Variants in OR2M4 observed in about 807,000 individuals in gnomAD.
OR2M4 encodes the protein olfactory receptor family 2 subfamily M member 4.
A neutral mutation model predicts 13.7 loss-of-function variants in OR2M4; 8 were observed. The ratio of observed to expected loss-of-function variants is 0.58; its 90% CI spans 0.34 to 1.05. The LOEUF is 1.05. Ranked by LOEUF, OR2M4 falls within the 50% of genes least tolerant of loss-of-function variation. OR2M4 has a pLI of 0.02. For missense variants in OR2M4, 374 were observed against 381.6 expected, an observed-to-expected ratio of 0.98 and a Z score of 0.17; for synonymous variants, 152 against 141.3, an observed-to-expected ratio of 1.08 and a Z score of -0.53.
intron 1 of OR2M4, among the ~76,000 whole-genome samples, chr1:248,238,435 C>G (rs1438095473): frequency 6.6e-6 from 1 of 151,958 alleles, no homozygotes; most frequent in African/African-American, 2.4e-5. Context: ...TAATCCTTCA[C>G]TGGGCTGCAG....
chr1:248,242,743 A>T lies in OR2M4; in HGVS notation c.*2879A>T, dbSNP rs915698369. 1 of 152,238 alleles carries T rather than the reference A, an allele frequency of 6.6e-6. No individual in the cohort carries two copies. The highest frequency in any genetic ancestry group is 1.5e-5 in the Non-Finnish European group (1 of 68,042). The allele number at this position is 152,238 out of a possible 1,614,324, so 9.4% of individuals were successfully genotyped here. A position where few individuals can be genotyped will look rare whatever the true frequency, so the allele number is the denominator to read the frequency against. On this transcript the variant is annotated 3_prime_UTR_variant, in exon 2 of 2. Transcript: ENST00000641868. ...ACCAGAAAAGAAAGACTTATCTGTG[A>T]TCTACTAAGAGAAGTATGAAAATTG...
At chr1:248,233,887 A>G (rs911691334) in intron 1 of OR2M4, among the ~76,000 whole-genome samples, 3 of 152,082 alleles carry the variant, frequency 2.0e-5, no homozygotes, top group Non-Finnish European at 4.4e-5. Context: ...GGCTAGAGAT[A>G]ATAATTGAGA....
Position 248,239,170 on chromosome 1 carries a change from TG to T in OR2M4, c.243del (p.Met81IlefsTer56). 6.2e-7 allele frequency: 1 copy of T among 1,614,120 alleles called. No individual in the cohort carries two copies. The highest frequency in any genetic ancestry group is 8.5e-7 in the Non-Finnish European group (1 of 1,180,002). ...LMLICTTLPKMIFSYLSGKKS... is the reference protein window; with the variant it reads ...LMLICTTLPKXIFSYLSGKKS... ...CTCATCTGCACCACTCTACCCAAGATGATCTTCAGCTACTTGTCTGGGAAGA... is the reference window on the plus strand; with the variant it reads ...CTCATCTGCACCACTCTACCCAAGATATCTTCAGCTACTTGTCTGGGAAGA... On this transcript the variant is annotated frameshift_variant, in exon 2 of 2. Coordinates refer to ENST00000641868, the MANE Select transcript of OR2M4 (RefSeq NM_017504.2). LOFTEE classifies it high-confidence loss of function.
Position 248,240,468 on chromosome 1 carries a change from T to C in OR2M4, c.*604T>C, listed in dbSNP as rs1666607849. 6.6e-6 allele frequency: 1 copy of C among 152,178 alleles called. No individual in the cohort carries two copies. The highest frequency in any genetic ancestry group is 1.5e-5 in the Non-Finnish European group (1 of 68,038). The allele number at this position is 152,178 out of a possible 1,614,324, so 9.4% of individuals were successfully genotyped here. On this transcript the variant is annotated 3_prime_UTR_variant, in exon 2 of 2. Coordinates refer to ENST00000641868, the MANE Select transcript of OR2M4 (RefSeq NM_017504.2). The stretch of plus-strand genomic sequence containing the variant: ...CTTTATGCTAATAAAATTAAATATT[T>C]TAAGGAGTCCACATAAAATATCTAT...
intron 1 of OR2M4, among the ~76,000 whole-genome samples, chr1:248,237,518 T>TACA (rs762713762): frequency 2.0e-5 from 3 of 151,694 alleles, no homozygotes; most frequent in Non-Finnish European, 2.9e-5. Context: ...CCAGGTGTAG[T>TACA]GGCGGGCGCC....
chr1:248,231,886 G>A (rs190538940), intron 1 of OR2M4, among the ~76,000 whole-genome samples: 1 of 152,032 alleles, frequency 6.6e-6, no homozygotes, highest in Admixed American at 6.5e-5. Context: ...ATTCTTAATG[G>A]TTATTTTAAT....
intron 1 of OR2M4, among the ~76,000 whole-genome samples, chr1:248,232,715 A>G (rs1368513765): frequency 6.6e-6 from 1 of 152,142 alleles, no homozygotes; most frequent in Non-Finnish European, 1.5e-5. Context: ...ACGCAATTCT[A>G]TTCTTAAAAT....
rs1022841766 is a variant in OR2M4, at chr1:248,243,758, C to T, written c.*3894C>T. On this transcript the variant is annotated 3_prime_UTR_variant, in exon 2 of 2. Transcript: ENST00000641868. ...AGAAATTATCAGCAGAGTAAACAGA[C>T]AATCTACAGAATGGGAGAAGATATT... 1 of 152,140 alleles carries T rather than the reference C, an allele frequency of 6.6e-6. No individual in the cohort carries two copies. The highest frequency in any genetic ancestry group is 6.5e-5 in the Admixed American group (1 of 15,276). The allele number at this position is 152,140 out of a possible 1,614,324, so 9.4% of individuals were successfully genotyped here.
chr1:248,244,063 G>A lies in OR2M4; in HGVS notation c.*4199G>A, dbSNP rs1666643311. 1.3e-5 allele frequency: 2 copies of A among 152,134 alleles called. No individual in the cohort carries two copies. Among genetic ancestry groups the A allele is most frequent in the Admixed American group, 6.5e-5 (1 of 15,276 alleles). The allele number at this position is 152,134 out of a possible 1,614,324, so 9.4% of individuals were successfully genotyped here. ...TCAAATAATAACAAATACTAGTGAA[G>A]CTGTGGAGAAAAGGAACACATATAC... On this transcript the variant is annotated 3_prime_UTR_variant, in exon 2 of 2. Transcript: ENST00000641868.
chr1:248,239,787 C>A lies in OR2M4; in HGVS notation c.859C>A (p.Pro287Thr). ...FYTILTPMLN[P>T]LIYSLRNKEV... ...CACTATTCTCACCCCTATGCTGAACCCTCTCATTTATAGCCTCCGCAACAA... is the reference window on the plus strand; with the variant it reads ...CACTATTCTCACCCCTATGCTGAACACTCTCATTTATAGCCTCCGCAACAA... Residue 287 changes from proline (P) to threonine (T), a missense_variant, in exon 2 of 2, where the codon CCT (proline) becomes ACT (threonine). Pro to Thr is a conservative substitution (Grantham distance 38). Coordinates refer to ENST00000641868, the MANE Select transcript of OR2M4 (RefSeq NM_017504.2). 6.2e-7 allele frequency: 1 copy of A among 1,614,012 alleles called. No homozygotes were observed. Among genetic ancestry groups the A allele is most frequent in the Non-Finnish European group, 8.5e-7 (1 of 1,180,008 alleles).
In OR2M4 at chr1:248,240,939, A is replaced by C. The variant is rs1009216250; in HGVS notation, c.*1075A>C. 4 of 152,254 alleles carry C rather than the reference A, an allele frequency of 2.6e-5. No individual in the cohort carries two copies. Among genetic ancestry groups the C allele is most frequent in the South Asian group, 2.1e-4 (1 of 4,832 alleles). The allele number at this position is 152,254 out of a possible 1,614,324, so 9.4% of individuals were successfully genotyped here. The stretch of plus-strand genomic sequence containing the variant: ...TGGCCACAGACAGAGCATTTAAACC[A>C]GCCCTTGTCAGAGGGGAATTACTGA... On this transcript the variant is annotated 3_prime_UTR_variant, in exon 2 of 2. Transcript: ENST00000641868.
chr1:248,244,483 A>C lies in OR2M4; in HGVS notation c.*4619A>C, dbSNP rs1286682553. Reference sequence around the variant, plus strand: ...TGTTCTCACTTATACATAGGAGCTAAACTTTGGGTACTCAAGGATGTAAAG... The same window carrying C: ...TGTTCTCACTTATACATAGGAGCTACACTTTGGGTACTCAAGGATGTAAAG... On this transcript the variant is annotated 3_prime_UTR_variant, in exon 2 of 2. Transcript: ENST00000641868. 6.6e-6 allele frequency: 1 copy of C among 152,194 alleles called. No homozygotes were observed. The highest frequency in any genetic ancestry group is 1.5e-5 in the Non-Finnish European group (1 of 68,050). The allele number at this position is 152,194 out of a possible 1,614,324, so 9.4% of individuals were successfully genotyped here.
Position 248,239,891 on chromosome 1 carries a change from A to G in OR2M4, c.*27A>G, listed in dbSNP as rs1485408508. On this transcript the variant is annotated 3_prime_UTR_variant, in exon 2 of 2. Coordinates refer to ENST00000641868, the MANE Select transcript of OR2M4 (RefSeq NM_017504.2). Reference sequence around the variant, plus strand: ...CTTATCAAAATCTTTTTGAGTGCCTACTGTGGTCAACACTCATTCAAAAAA... The same window carrying G: ...CTTATCAAAATCTTTTTGAGTGCCTGCTGTGGTCAACACTCATTCAAAAAA... The G allele has an allele frequency of 7.1e-7, 1 of 1,398,696 alleles. No individual in the cohort carries two copies. The highest frequency in any genetic ancestry group is 9.8e-7 in the Non-Finnish European group (1 of 1,022,626). The allele number at this position is 1,398,696 out of a possible 1,614,324, so 86.6% of individuals were successfully genotyped here.
rs1429517991 is a variant in OR2M4 at position 248,241,923 on chromosome 1, T to C, written c.*2059T>C. On this transcript the variant is annotated 3_prime_UTR_variant, in exon 2 of 2. Coordinates refer to ENST00000641868, the MANE Select transcript of OR2M4 (RefSeq NM_017504.2). ...AAATAAATAAATAATTTCTGTTAAATATAAAAAGTAGTTTTTATCATAGCA... is the reference window on the plus strand; with the variant it reads ...AAATAAATAAATAATTTCTGTTAAACATAAAAAGTAGTTTTTATCATAGCA... 1 of 152,186 alleles carries C rather than the reference T, an allele frequency of 6.6e-6. No homozygotes were observed. The highest frequency in any genetic ancestry group is 6.5e-5 in the Admixed American group (1 of 15,278). The allele number at this position is 152,186 out of a possible 1,614,324, so 9.4% of individuals were successfully genotyped here.
chr1:248,236,496 A>G (rs1666557600), intron 1 of OR2M4, among the ~76,000 whole-genome samples: 2 of 152,130 alleles, frequency 1.3e-5, no homozygotes, highest in South Asian at 2.1e-4. Context: ...ATCACAACTA[A>G]AAGAACTAGG....
Position 248,243,241 on chromosome 1 carries a change from A to G in OR2M4, c.*3377A>G, listed in dbSNP as rs1666634008. ...TTAAGGTTGCTTGCCTGTTGAAACA[A>G]TATTTTGGACGTATTAGTTTTAACT... On this transcript the variant is annotated 3_prime_UTR_variant, in exon 2 of 2. Transcript: ENST00000641868. 1.3e-5 allele frequency: 2 copies of G among 152,208 alleles called. No individual in the cohort carries two copies. Among genetic ancestry groups the G allele is most frequent in the Admixed American group, 1.3e-4 (2 of 15,276 alleles). 9.4% of individuals were successfully genotyped at this position (152,208 alleles called of 1,614,324 possible).
chr1:248,237,511 G>A (rs1467945347), intron 1 of OR2M4, among the ~76,000 whole-genome samples: 7 of 152,050 alleles, frequency 4.6e-5, no homozygotes, highest in Admixed American at 4.6e-4. Context: ...AAATTAGCCA[G>A]GTGTAGTGGC....
rs998058030 is a variant in OR2M4 at position 248,244,465 on chromosome 1, A to ACTT, written c.*4602_*4604dup. On this transcript the variant is annotated 3_prime_UTR_variant, in exon 2 of 2. Transcript: ENST00000641868. The stretch of plus-strand genomic sequence containing the variant: ...AAAAAACCAAATACTGCATGTTCTC[A>ACTT]CTTATACATAGGAGCTAAACTTTGG... 3 of 152,200 alleles carry ACTT rather than the reference A, an allele frequency of 2.0e-5. No homozygotes were observed. Among genetic ancestry groups the ACTT allele is most frequent in the Non-Finnish European group, 4.4e-5 (3 of 68,034 alleles). 9.4% of individuals were successfully genotyped at this position (152,200 alleles called of 1,614,324 possible).
intron 1 of OR2M4, among the ~76,000 whole-genome samples, chr1:248,238,309 T>C (rs1666578273): frequency 6.6e-6 from 1 of 152,150 alleles, no homozygotes; most frequent in Non-Finnish European, 1.5e-5. Flanking sequence ...TTTGATTAAA[T>C]AAGACAAGAC....
Sources: gnomAD v4.1 joint callset for allele counts (sites outside exome capture counted in the v4.1 genomes callset) on GRCh38, gnomAD v4.1.1 for gene constraint, MANE v1.5 for transcripts, NCBI Gene and HGNC (gene_info 2026-07-23, HGNC 2026-07-21) for gene names.